The following LCP2 variants were observed in gnomAD, a reference collection of about 807,000 sequenced individuals.
LCP2 encodes the protein 76 kDa tyrosine phosphoprotein.
LCP2 carries 29 observed loss-of-function variants against 74.5 expected under a neutral mutation model. The observed-to-expected ratio is 0.39, with a 90% CI of 0.29 to 0.53. LCP2 has a LOEUF of 0.53. Among genes scored for constraint, LCP2 ranks in the 20% least tolerant of loss-of-function variants. The pLI, the probability that LCP2 is intolerant of heterozygous loss-of-function variation, is 0.72. For synonymous variants in LCP2, 228 were observed against 229.5 expected (o/e 0.99, Z 0.06); for missense variants, 604 against 634.6 (o/e 0.95, Z 0.52).
chr5:170,278,512 G>T (rs1762048834), intron 3 of LCP2, among the ~76,000 whole-genome samples: 1 of 122,314 alleles, frequency 8.2e-6, no homozygotes, highest in African/African-American at 3.2e-5. Flanking sequence ...GTGGGGGGCT[G>T]GGGGGGATGG....
chr5:170,277,676 AGAGGT>A (rs1261773771), intron 3 of LCP2, among the ~76,000 whole-genome samples: 3 of 149,740 alleles, frequency 2.0e-5, no homozygotes, highest in Admixed American at 1.3e-4. Flanking sequence ...CCTGGGAGTC[AGAGGT>A]TGCAGTGAGC....
chr5:170,281,925 C>T (rs1326614097), intron 3 of LCP2, among the ~76,000 whole-genome samples: 1 of 152,228 alleles, frequency 6.6e-6, no homozygotes, highest in African/African-American at 2.4e-5. Flanking sequence ...AACATCCCAT[C>T]CTTTAATGAA....
At chr5:170,295,842 C>A (rs1194999144) in intron 1 of LCP2, among the ~76,000 whole-genome samples, 1 of 152,130 alleles carries the variant, frequency 6.6e-6, no homozygotes, top group Admixed American at 6.5e-5. Flanking sequence ...AAGAAGGAAC[C>A]TGCCTGGGTG....
At chr5:170,282,915 G>A (rs1762128410) in intron 3 of LCP2, among the ~76,000 whole-genome samples, 1 of 152,138 alleles carries the variant, frequency 6.6e-6, no homozygotes, top group Non-Finnish European at 1.5e-5. Context: ...CTTAAAATTG[G>A]TGAGCTTGTA....
intron 10 of LCP2, among the ~76,000 whole-genome samples, chr5:170,264,653 G>C (rs1364580709): frequency 6.6e-6 from 1 of 152,142 alleles, no homozygotes; most frequent in Non-Finnish European, 1.5e-5. Context: ...TTAAAAATTA[G>C]CCAGGCATGG....
chr5:170,265,610 C>T (rs759882426), intron 10 of LCP2, among the ~76,000 whole-genome samples: 11 of 152,132 alleles, frequency 7.2e-5, no homozygotes, highest in Non-Finnish European at 1.5e-4. Context: ...TGTAATTATA[C>T]AGCTCTCTAC....
intron 5 of LCP2, 143 bp from the exon 6 acceptor site, chr5:170,274,481 T>C (rs1393386475): frequency 2.4e-6 from 2 of 822,890 alleles, no homozygotes; most frequent in Admixed American, 2.2e-5. Context: ...CCTGCAGGTT[T>C]AGCCACTTAC....
At chr5:170,294,594 T>C (rs1237290054) in intron 1 of LCP2, among the ~76,000 whole-genome samples, 2 of 152,228 alleles carry the variant, frequency 1.3e-5, no homozygotes, top group Non-Finnish European at 2.9e-5. Flanking sequence ...TTAAGCCATA[T>C]TTTTATCTTA....
At chr5:170,280,550 G>T in intron 3 of LCP2, among the ~76,000 whole-genome samples, 1 of 152,112 alleles carries the variant, frequency 6.6e-6, no homozygotes, top group Non-Finnish European at 1.5e-5. Flanking sequence ...CTGAGGCCTC[G>T]GTCGAGAGTG....
In LCP2 at chr5:170,297,623, C is replaced by T. The variant is rs1213371309; in HGVS notation, c.-12G>A. On this transcript the variant is annotated 5_prime_UTR_variant, in exon 1 of 21. Coordinates refer to ENST00000046794, the MANE Select transcript of LCP2 (RefSeq NM_005565.5). The stretch of plus-strand genomic sequence containing the variant: ...TTCCTCAGTGCCATGGCTGCTCTCC[C>T]GGGAAGAAGCTCACAAGCTGAGCAT... The T allele has an allele frequency of 2.1e-5, 34 of 1,603,524 alleles. No homozygotes were observed. The highest frequency in any genetic ancestry group is 2.4e-5 in the Non-Finnish European group (28 of 1,174,770).
chr5:170,263,173 C>T (rs1761693780), intron 10 of LCP2, among the ~76,000 whole-genome samples, 181 bp from the exon 11 acceptor site: 1 of 152,152 alleles, frequency 6.6e-6, no homozygotes, highest in South Asian at 2.1e-4. Context: ...ATTTTATAAG[C>T]TCAGAGAAAT....
intron 4 of LCP2, 100 bp downstream of exon 4, chr5:170,275,695 T>A (rs1197905726): frequency 3.0e-6 from 3 of 1,014,046 alleles, no homozygotes; most frequent in African/African-American, 3.2e-5. Context: ...AGGGGACAAA[T>A]GCAGATCAAA....
intron 1 of LCP2, among the ~76,000 whole-genome samples, chr5:170,294,414 T>C (rs1762337245): frequency 1.3e-5 from 2 of 152,166 alleles, no homozygotes; most frequent in African/African-American, 2.4e-5. Flanking sequence ...TCATATGAGG[T>C]GCTAGTTTCA....
rs1465185430 is a variant in LCP2, at chr5:170,262,854, A to G, written c.806T>C (p.Ile269Thr). 1.2e-6 allele frequency: 2 copies of G among 1,614,070 alleles called. No individual in the cohort carries two copies. The highest frequency in any genetic ancestry group is 3.3e-5 in the Admixed American group (2 of 60,034). Residue 269 changes from isoleucine to threonine, a missense_variant, in exon 12 of 21, where the codon ATT becomes ACT. By Grantham distance (89) the Ile-to-Thr change is moderately conservative. Transcript: ENST00000046794. Reference sequence around the variant, plus strand: ...GCAACAGTCTTACCTTCCCGCTGGAATCGAGGGCTGCAAGACAGGAGGAAA... The same window carrying G: ...GCAACAGTCTTACCTTCCCGCTGGAGTCGAGGGCTGCAAGACAGGAGGAAA... ...KKPPFSDKPS[I>T]PAGRSLGEHL...
Position 170,281,386 on chromosome 5 carries a change from T to G in LCP2, c.189-5526A>C, listed in dbSNP as rs1327079436. Among the ~76,000 whole-genome samples the G allele has an allele frequency of 1.3e-5, 2 of 152,006 alleles. 1 individual carries two copies. The highest frequency in any genetic ancestry group is 1.3e-4 in the Admixed American group (2 of 15,274). ...GTTCTGCCTCCCGGGTTCACGCCATTCTCCTGCCTCAGCCTCCCGAGTAGC... is the reference window on the plus strand; with the variant it reads ...GTTCTGCCTCCCGGGTTCACGCCATGCTCCTGCCTCAGCCTCCCGAGTAGC... On this transcript the variant is annotated intron_variant, in intron 3 of 20. Transcript: ENST00000046794.
chr5:170,289,422 G>A (rs1762237894), intron 2 of LCP2, among the ~76,000 whole-genome samples: 1 of 152,166 alleles, frequency 6.6e-6, no homozygotes, highest in South Asian at 2.1e-4. Flanking sequence ...AGAGGCTGGG[G>A]CTAGGGCATC....
Position 170,275,423 on chromosome 5 carries a change from T to C in LCP2, c.255-72A>G, listed in dbSNP as rs141458073. 9.8e-5 allele frequency: 153 copies of C among 1,564,088 alleles called. 3 individuals are homozygous for C. In the African/African-American group the frequency reaches 1.8e-3, roughly 18 times the overall value. ...GGATCTCCCTCTTTCCTCAACCTGGTCCAGCGAGAGGGAGTCCCCAGTGGA... is the reference window on the plus strand; with the variant it reads ...GGATCTCCCTCTTTCCTCAACCTGGCCCAGCGAGAGGGAGTCCCCAGTGGA... On this transcript the variant is annotated intron_variant, in intron 4 of 20. Transcript: ENST00000046794.
chr5:170,288,317 C>A (rs1037726225), intron 2 of LCP2, among the ~76,000 whole-genome samples: 1 of 151,220 alleles, frequency 6.6e-6, no homozygotes, highest in East Asian at 2.0e-4. Context: ...ACTGTGAGAG[C>A]TAAATCTGTG....
chr5:170,277,042 C>T (rs1245854499), intron 3 of LCP2, among the ~76,000 whole-genome samples: 1 of 144,986 alleles, frequency 6.9e-6, no homozygotes, highest in African/African-American at 2.6e-5. Flanking sequence ...CACCACTGCA[C>T]TCCAGCCTGG....
Sources: allele counts gnomAD v4.1 joint callset (sites outside exome capture counted in the v4.1 genomes callset), GRCh38; gene constraint gnomAD v4.1.1; transcripts MANE v1.5; gene names NCBI Gene and HGNC (gene_info 2026-07-23, HGNC 2026-07-21).